The following DACH1 variants were observed in gnomAD, a reference collection of about 807,000 sequenced individuals.
DACH1 encodes dachshund homolog 1.
In DACH1, 12 loss-of-function variants were observed where a neutral mutation model predicts 54.2. That is an observed-to-expected ratio of 0.22 (90% CI 0.14 to 0.36). The LOEUF (loss-of-function observed/expected upper bound fraction) is 0.36. Ranked by LOEUF, DACH1 falls within the 10% of genes least tolerant of loss-of-function variation. DACH1 has a pLI of 1.00. For missense variants in DACH1, 805 were observed against 929.8 expected, an observed-to-expected ratio of 0.87 and a Z score of 1.75; for synonymous variants, 386 against 366.2, an observed-to-expected ratio of 1.05 and a Z score of -0.62.
chr13:71,765,657 A>G (rs1278286119), intron 1 of DACH1, among the ~76,000 whole-genome samples: 1 of 152,198 alleles, frequency 6.6e-6, no homozygotes, highest in Non-Finnish European at 1.5e-5. Flanking sequence ...AATGATGGTT[A>G]TCATAGGATG....
intron 1 of DACH1, among the ~76,000 whole-genome samples, chr13:71,843,889 T>C (rs2138243159): frequency 6.6e-6 from 1 of 152,326 alleles, no homozygotes; most frequent in South Asian, 2.1e-4. Context: ...ACTAGGAACA[T>C]TTATTCCTTA....
intron 1 of DACH1, among the ~76,000 whole-genome samples, chr13:71,717,713 C>G (rs1883042201): frequency 6.6e-6 from 1 of 151,972 alleles, no homozygotes; most frequent in Middle Eastern, 3.4e-3. Context: ...CTTCAGATTC[C>G]TGCTACTTAG....
chr13:71,697,778 A>G (rs1881903920), intron 1 of DACH1, among the ~76,000 whole-genome samples: 1 of 152,212 alleles, frequency 6.6e-6, no homozygotes. Context: ...ATGGTAATAT[A>G]TGAAAGTCCT....
At chr13:71,713,029 G>A (rs1400073291) in intron 1 of DACH1, among the ~76,000 whole-genome samples, 3 of 151,302 alleles carry the variant, frequency 2.0e-5, no homozygotes, top group Admixed American at 6.6e-5. Context: ...ACAAAAAGAA[G>A]CCAGTAATGG....
At chr13:71,487,407 CTTTCT>C (rs1464220218) in intron 7 of DACH1, among the ~76,000 whole-genome samples, 1 of 151,950 alleles carries the variant, frequency 6.6e-6, no homozygotes, top group Non-Finnish European at 1.5e-5. Flanking sequence ...TCTTTTCTTT[CTTTCT>C]TTTATTTTTT....
chr13:71,592,637 G>T (rs1873817406), intron 3 of DACH1, among the ~76,000 whole-genome samples: 1 of 151,752 alleles, frequency 6.6e-6, no homozygotes, highest in African/African-American at 2.4e-5. Context: ...GATTTGAGGG[G>T]AGCAGATTTC....
intron 3 of DACH1, among the ~76,000 whole-genome samples, chr13:71,602,916 T>C (rs1874607537): frequency 2.0e-5 from 3 of 151,972 alleles, no homozygotes; most frequent in Admixed American, 1.3e-4. Context: ...ATACACAATG[T>C]TTTCATTGAG....
At chr13:71,547,471 T>C (rs1883533186) in intron 6 of DACH1, among the ~76,000 whole-genome samples, 1 of 152,110 alleles carries the variant, frequency 6.6e-6, no homozygotes, top group Non-Finnish European at 1.5e-5. Flanking sequence ...TTTAATATTC[T>C]GAAACTGTAG....
intron 1 of DACH1, among the ~76,000 whole-genome samples, chr13:71,694,023 G>A (rs1881677646): frequency 6.6e-6 from 1 of 152,074 alleles, no homozygotes; most frequent in Non-Finnish European, 1.5e-5. Flanking sequence ...TCAAATGAGG[G>A]TAAAAAAACC....
intron 3 of DACH1, among the ~76,000 whole-genome samples, chr13:71,629,125 CAG>C (rs1876885007): frequency 6.6e-6 from 1 of 152,140 alleles, no homozygotes; most frequent in Admixed American, 6.6e-5. Flanking sequence ...GTTCTAAAAA[CAG>C]AATTATAATT....
At chr13:71,663,618 A>C (rs1286939714) in intron 2 of DACH1, among the ~76,000 whole-genome samples, 1 of 151,948 alleles carries the variant, frequency 6.6e-6, no homozygotes, top group African/African-American at 2.4e-5. Context: ...CTAGCCACCA[A>C]TATTTAGTGG....
intron 7 of DACH1, among the ~76,000 whole-genome samples, chr13:71,485,575 C>A (rs1366790918): frequency 6.5e-5 from 3 of 46,176 alleles, no homozygotes; most frequent in African/African-American, 2.3e-4. Context: ...TTCTTTTCTT[C>A]TTTTTTTTTT....
chr13:71,581,841 A>G (rs1270411264), intron 3 of DACH1, among the ~76,000 whole-genome samples: 2 of 152,176 alleles, frequency 1.3e-5, no homozygotes, highest in African/African-American at 4.8e-5. Flanking sequence ...CTCTGAATTC[A>G]CAATCCAAGC....
At chr13:71,776,978 A>G (rs1029958867) in intron 1 of DACH1, among the ~76,000 whole-genome samples, 1 of 152,110 alleles carries the variant, frequency 6.6e-6, no homozygotes, top group African/African-American at 2.4e-5. Context: ...ACATCTGATA[A>G]GCATCCTCAA....
At chr13:71,542,999 A>G (rs1883234602) in intron 6 of DACH1, among the ~76,000 whole-genome samples, 1 of 152,182 alleles carries the variant, frequency 6.6e-6, no homozygotes, top group Non-Finnish European at 1.5e-5. Context: ...TCATGAAAGG[A>G]AAGATTGAAG....
At chr13:71,566,584 G>A (rs984616511) in intron 4 of DACH1, among the ~76,000 whole-genome samples, 1 of 151,998 alleles carries the variant, frequency 6.6e-6, no homozygotes, top group Non-Finnish European at 1.5e-5. Context: ...AAAAACATCA[G>A]TTCCCCCCAA....
intron 2 of DACH1, among the ~76,000 whole-genome samples, chr13:71,654,389 C>CAAAATAAAAT (rs540730866): frequency 0.02 from 1,193 of 60,414 alleles, 129 homozygotes; most frequent in Middle Eastern, 0.037. Context: ...GACTCTGTCT[C>CAAAATAAAAT]AAAATAAAAT....
chr13:71,496,232 T>C (rs1423706231), intron 6 of DACH1, among the ~76,000 whole-genome samples: 1 of 133,886 alleles, frequency 7.5e-6, no homozygotes, highest in African/African-American at 2.9e-5. Context: ...AGCAAGACTT[T>C]GTCTCCCAAA....
intron 3 of DACH1, among the ~76,000 whole-genome samples, chr13:71,574,386 C>T (rs1007176175): frequency 1.3e-5 from 2 of 151,968 alleles, no homozygotes; most frequent in African/African-American, 2.4e-5. Flanking sequence ...TGTAATATCC[C>T]TATCAGCTCA....
Sources: gnomAD v4.1 joint callset for allele counts (sites outside exome capture counted in the v4.1 genomes callset) on GRCh38, gnomAD v4.1.1 for gene constraint, MANE v1.5 for transcripts, NCBI Gene and HGNC (gene_info 2026-07-23, HGNC 2026-07-21) for gene names.